ALDH1A1: variants seen among roughly 807,000 people sequenced by gnomAD.
ALDH1A1 encodes the protein aldehyde dehydrogenase 1 family member A1.
A neutral mutation model predicts 62.1 loss-of-function variants in ALDH1A1; 19 were observed. The observed-to-expected ratio is 0.31, with a 90% CI of 0.21 to 0.45. The LOEUF is 0.45. Among genes scored for constraint, ALDH1A1 ranks in the 20% least tolerant of loss-of-function variants. The pLI is 1.00. For synonymous variants in ALDH1A1, 231 were observed against 215.9 expected (o/e 1.07, Z -0.61); for missense variants, 521 against 607.1 (o/e 0.86, Z 1.49).
chr9:72,930,817 C>T, intron 3 of ALDH1A1, 62 bp downstream of exon 3: 2 of 1,599,584 alleles, frequency 1.3e-6, no homozygotes, highest in Non-Finnish European at 8.5e-7. Flanking sequence ...AACAACTTGC[C>T]ATTTCAAACG....
At chr9:72,909,248 G>A (rs903354506) in intron 11 of ALDH1A1, among the ~76,000 whole-genome samples, 3 of 129,762 alleles carry the variant, frequency 2.3e-5, no homozygotes, top group Admixed American at 2.0e-4. Context: ...TGCAACCTCC[G>A]CCTCCCAGGC....
chr9:72,925,781 A>G (rs1249121851), intron 5 of ALDH1A1, among the ~76,000 whole-genome samples, 169 bp from the exon 6 acceptor site: 1 of 152,200 alleles, frequency 6.6e-6, no homozygotes, highest in Admixed American at 6.5e-5. Context: ...AAATGCTAAA[A>G]CGCTCTGAAT....
intron 7 of ALDH1A1, 83 bp downstream of exon 7, chr9:72,923,936 G>C: frequency 1.1e-6 from 1 of 905,750 alleles, no homozygotes; most frequent in Non-Finnish European, 1.7e-6. Flanking sequence ...TAAAATTGTT[G>C]GCTCAAAAAT....
chr9:72,910,534 A>G (rs1588131643), intron 10 of ALDH1A1, among the ~76,000 whole-genome samples: 2 of 152,206 alleles, frequency 1.3e-5, no homozygotes, highest in African/African-American at 4.8e-5. Flanking sequence ...TTTTGCTTTC[A>G]CTAAGTTCCT....
rs8187954 is a variant in ALDH1A1, at chr9:72,918,685, A to C, written c.850+35T>G. The C allele has an allele frequency of 1.5e-4, 184 of 1,233,334 alleles. No individual in the cohort carries two copies. In the African/African-American group the frequency reaches 2.1e-3, roughly 14 times the overall value. 76.4% of individuals were successfully genotyped at this position (1,233,334 alleles called of 1,614,324 possible). A position where few individuals can be genotyped will look rare whatever the true frequency, so the allele number is the denominator to read the frequency against. ...GCATTATCAGACACCAAAAACGATG[A>C]AGGACGAAAAGTTAACAAAGTGGTT... On this transcript the variant is annotated intron_variant, in intron 8 of 12. Transcript: ENST00000297785.
At chr9:72,925,183 T>C (rs960787470) in intron 6 of ALDH1A1, among the ~76,000 whole-genome samples, 1 of 152,214 alleles carries the variant, frequency 6.6e-6, no homozygotes, top group Non-Finnish European at 1.5e-5. Flanking sequence ...TTTGAAAGAA[T>C]GCTACATTAA....
intron 7 of ALDH1A1, among the ~76,000 whole-genome samples, chr9:72,923,544 A>G (rs775180157): frequency 2.2e-4 from 34 of 152,086 alleles, no homozygotes; most frequent in Non-Finnish European, 3.7e-4. Flanking sequence ...CAAGCCAGAG[A>G]GGCAGAAAAG....
chr9:72,949,217 A>G (rs1453324326), intron 1 of ALDH1A1, among the ~76,000 whole-genome samples: 1 of 151,918 alleles, frequency 6.6e-6, no homozygotes, highest in South Asian at 2.1e-4. Flanking sequence ...CAGAAAACCT[A>G]TTTCCTTTCA....
chr9:72,936,694 A>T, intron 2 of ALDH1A1, among the ~76,000 whole-genome samples: 1 of 152,130 alleles, frequency 6.6e-6, no homozygotes, highest in East Asian at 1.9e-4. Flanking sequence ...GCTCCTATAG[A>T]CCTTGCCAGG....
intron 2 of ALDH1A1, among the ~76,000 whole-genome samples, chr9:72,937,247 C>A (rs1830357121): frequency 6.6e-6 from 1 of 152,108 alleles, no homozygotes; most frequent in Non-Finnish European, 1.5e-5. Context: ...ATAGGATATA[C>A]TATATCCAGA....
intron 7 of ALDH1A1, among the ~76,000 whole-genome samples, chr9:72,920,133 GAGAA>G (rs1830120972): frequency 6.6e-6 from 1 of 152,070 alleles, no homozygotes; most frequent in African/African-American, 2.4e-5. Flanking sequence ...CTGAACAAGA[GAGAA>G]ATAGATGTTT....
Position 72,900,819 on chromosome 9 carries a change from C to T in ALDH1A1, c.*389G>A, listed in dbSNP as rs1829793279. On this transcript the variant is annotated 3_prime_UTR_variant, in exon 13 of 13. Transcript: ENST00000297785. ...TAACTACTGGGAACAGAGCAATTTACTCTGCAGTTAACGTGTATGTTAAGT... is the reference window on the plus strand; with the variant it reads ...TAACTACTGGGAACAGAGCAATTTATTCTGCAGTTAACGTGTATGTTAAGT... 1 of 160,820 alleles carries T rather than the reference C, an allele frequency of 6.2e-6. No individual in the cohort carries two copies. Among genetic ancestry groups the T allele is most frequent in the Admixed American group, 6.1e-5 (1 of 16,454 alleles). The allele number at this position is 160,820 out of a possible 1,614,324, so 10.0% of individuals were successfully genotyped here. A position where few individuals can be genotyped will look rare whatever the true frequency, so the allele number is the denominator to read the frequency against.
chr9:72,924,867 A>C (rs916340123), intron 6 of ALDH1A1, among the ~76,000 whole-genome samples: 2 of 152,248 alleles, frequency 1.3e-5, no homozygotes, highest in Non-Finnish European at 2.9e-5. Flanking sequence ...AAGATGAAGA[A>C]AAAAGGACAA....
intron 2 of ALDH1A1, among the ~76,000 whole-genome samples, chr9:72,935,759 G>A (rs7851899): frequency 0.9 from 136,171 of 152,098 alleles, 61,857 homozygotes; most frequent in East Asian, 0.99. Flanking sequence ...AAGGCGGTAT[G>A]TAGCCCATTG....
At chr9:72,903,156 T>C (rs1435533217) in intron 12 of ALDH1A1, among the ~76,000 whole-genome samples, 1 of 152,010 alleles carries the variant, frequency 6.6e-6, no homozygotes, top group Admixed American at 6.6e-5. Flanking sequence ...CCCTTTTCTA[T>C]GGGACAGGAG....
At chr9:72,947,386 C>G (rs1830488695) in intron 1 of ALDH1A1, among the ~76,000 whole-genome samples, 1 of 151,980 alleles carries the variant, frequency 6.6e-6, no homozygotes, top group Non-Finnish European at 1.5e-5. Flanking sequence ...TCACCTAAAA[C>G]TTTTAGACCC....
chr9:72,932,748 C>T (rs1467584625), intron 2 of ALDH1A1, among the ~76,000 whole-genome samples: 1 of 152,038 alleles, frequency 6.6e-6, no homozygotes, highest in Non-Finnish European at 1.5e-5. Flanking sequence ...ATTTACAGAG[C>T]ACTGTTTGAA....
chr9:72,941,352 G>A (rs1009798430), intron 1 of ALDH1A1, among the ~76,000 whole-genome samples: 14 of 151,940 alleles, frequency 9.2e-5, no homozygotes, highest in African/African-American at 2.9e-4. Flanking sequence ...AAAATTCCCC[G>A]GTGATCACTA....
Position 72,925,547 on chromosome 9 carries a change from C to A in ALDH1A1, c.570G>T (p.Val190=), listed in dbSNP as rs147729972. 2.6e-5 allele frequency: 42 copies of A among 1,613,892 alleles called. No individual in the cohort carries two copies. The highest frequency in any genetic ancestry group is 3.4e-5 in the Non-Finnish European group (40 of 1,179,918). ...IGPALSCGNT[V]VVKPAEQTPL... Reference sequence around the variant, plus strand: ...GAGTTTGCTCTGCTGGTTTGACAACCACTGTGTTTCCACAGCTCAGTGCAG... The same window carrying A: ...GAGTTTGCTCTGCTGGTTTGACAACAACTGTGTTTCCACAGCTCAGTGCAG... Residue 190 remains valine (V), a synonymous_variant, in exon 6 of 13, where the codon GTG becomes GTT. Transcript: ENST00000297785.
Sources: gnomAD v4.1 joint callset for allele counts (sites outside exome capture counted in the v4.1 genomes callset) on GRCh38, gnomAD v4.1.1 for gene constraint, MANE v1.5 for transcripts, NCBI Gene and HGNC (gene_info 2026-07-23, HGNC 2026-07-21) for gene names.